SNTB1: variants seen among roughly 807,000 people sequenced by gnomAD.
SNTB1 encodes syntrophin beta 1.
A neutral mutation model predicts 48.9 loss-of-function variants in SNTB1; 36 were observed. The ratio of observed to expected loss-of-function variants is 0.74; its 90% confidence interval spans 0.56 to 0.97. The LOEUF (loss-of-function observed/expected upper bound fraction) is 0.97, where lower values mean the gene tolerates loss of function less well. SNTB1 is among the 50% of genes least tolerant of loss of function. The pLI, the probability that SNTB1 is intolerant of heterozygous loss-of-function variation, is 0.00. For missense variants in SNTB1, 786 were observed against 703.4 expected, an observed-to-expected ratio of 1.12 and a Z score of -1.33; for synonymous variants, 299 against 294.6, an observed-to-expected ratio of 1.01 and a Z score of -0.15.
In SNTB1 at chr8:120,704,333, G is replaced by C. The variant is rs140175895; in HGVS notation, c.572-10425C>G. Among the ~76,000 whole-genome samples, 330 of 152,190 alleles carry C rather than the reference G, an allele frequency of 2.2e-3. 2 individuals carry two copies. The Middle Eastern group carries it at 0.051, about 24-fold the overall frequency. ...TATCCAGGCATGGTGGTGCACACCT[G>C]TAGCCCTACCTGCTCAGGAGGCTGA... On this transcript the variant is annotated intron_variant, in intron 1 of 6. Transcript: ENST00000517992.
chr8:120,636,643 T>G (rs1356766054), intron 2 of SNTB1, among the ~76,000 whole-genome samples: 4 of 151,266 alleles, frequency 2.6e-5, no homozygotes, highest in Admixed American at 1.3e-4. Flanking sequence ...AGTCCATCAT[T>G]GTTGGACATT....
intron 3 of SNTB1, among the ~76,000 whole-genome samples, chr8:120,607,772 G>T (rs1587026645): frequency 6.6e-6 from 1 of 152,344 alleles, no homozygotes; most frequent in East Asian, 1.9e-4. Flanking sequence ...CATAATCCCA[G>T]ATAGGTTTCA....
chr8:120,725,269 C>T (rs1818734125), intron 1 of SNTB1, among the ~76,000 whole-genome samples: 1 of 152,070 alleles, frequency 6.6e-6, no homozygotes, highest in South Asian at 2.1e-4. Flanking sequence ...TCAAATTGTC[C>T]CCAGTCAGAT....
chr8:120,557,326 T>C (rs550546580), intron 4 of SNTB1, among the ~76,000 whole-genome samples: 1 of 152,336 alleles, frequency 6.6e-6, no homozygotes, highest in Non-Finnish European at 1.5e-5. Flanking sequence ...TCTCTGGACC[T>C]TGGCTAATCT....
At chr8:120,672,826 T>C (rs1391976551) in intron 2 of SNTB1, among the ~76,000 whole-genome samples, 3 of 152,236 alleles carry the variant, frequency 2.0e-5, no homozygotes, top group African/African-American at 7.2e-5. Context: ...CCTTGCACTT[T>C]TCCTGAGTTT....
At chr8:120,554,103 C>G (rs1815526019) in intron 4 of SNTB1, among the ~76,000 whole-genome samples, 2 of 152,188 alleles carry the variant, frequency 1.3e-5, no homozygotes. Flanking sequence ...GAAATCGATT[C>G]CCGGGGAGGT....
chr8:120,727,727 G>A (rs1416408934), intron 1 of SNTB1, among the ~76,000 whole-genome samples: 1 of 152,184 alleles, frequency 6.6e-6, no homozygotes, highest in Non-Finnish European at 1.5e-5. Context: ...TTTACCATGT[G>A]CTCAGCACCA....
chr8:120,701,144 C>T (rs1192493764), intron 1 of SNTB1, among the ~76,000 whole-genome samples: 3 of 152,104 alleles, frequency 2.0e-5, no homozygotes, highest in Non-Finnish European at 4.4e-5. Context: ...TTTCCCAGGT[C>T]ATCTTAGGGA....
intron 1 of SNTB1, 62 bp downstream of exon 1, chr8:120,811,211 G>C: frequency 6.6e-7 from 1 of 1,523,010 alleles, no homozygotes; most frequent in Non-Finnish European, 8.7e-7. Context: ...GTGAGCGTGC[G>C]GGTGGGAAGC....
chr8:120,561,319 C>CAAAAAAAAAAAAAA (rs1221884195), intron 4 of SNTB1, among the ~76,000 whole-genome samples: 4 of 45,656 alleles, frequency 8.8e-5, no homozygotes, highest in African/African-American at 1.7e-4. Context: ...AACTCCATCT[C>CAAAAAAAAAAAAAA]AAAAAAAAAA....
chr8:120,748,443 C>T (rs4242322), intron 1 of SNTB1, among the ~76,000 whole-genome samples: 19,806 of 152,062 alleles, frequency 0.13, 1,685 homozygotes, highest in African/African-American at 0.23. Flanking sequence ...ATCTGGCTCA[C>T]GCAGGAATTG....
At chr8:120,772,687 C>T (rs1032876653) in intron 1 of SNTB1, among the ~76,000 whole-genome samples, 2 of 152,168 alleles carry the variant, frequency 1.3e-5, no homozygotes, top group Non-Finnish European at 2.9e-5. Context: ...ACAACCCACA[C>T]TGTATATACC....
intron 3 of SNTB1, among the ~76,000 whole-genome samples, chr8:120,585,231 T>C (rs1816120348): frequency 6.6e-6 from 1 of 152,234 alleles, no homozygotes; most frequent in Non-Finnish European, 1.5e-5. Context: ...ATATCCTGGC[T>C]AAGCATAGGC....
intron 1 of SNTB1, among the ~76,000 whole-genome samples, chr8:120,782,284 C>T (rs1302372409): frequency 6.6e-6 from 1 of 152,098 alleles, no homozygotes; most frequent in Non-Finnish European, 1.5e-5. Flanking sequence ...AATGCAGTCA[C>T]CTTTTGAGAT....
Position 120,539,045 on chromosome 8 carries a change from C to T in SNTB1, c.1525-76G>A, listed in dbSNP as rs1015457028. Reference sequence around the variant, plus strand: ...GTAGATGGGTGATTTGCACATCAAACGAATCTATATGCACTTCCTTCTTTT... The same window carrying T: ...GTAGATGGGTGATTTGCACATCAAATGAATCTATATGCACTTCCTTCTTTT... On this transcript the variant is annotated intron_variant, in intron 6 of 6. Transcript: ENST00000517992. 6.1e-5 allele frequency: 65 copies of T among 1,066,250 alleles called. 1 individual carries two copies. Among genetic ancestry groups the T allele is most frequent in the Admixed American group, 4.1e-4 (17 of 40,988 alleles). 66.0% of individuals were successfully genotyped at this position (1,066,250 alleles called of 1,614,324 possible).
chr8:120,632,357 C>A, intron 3 of SNTB1, 87 bp downstream of exon 3: 1 of 1,197,940 alleles, frequency 8.3e-7, no homozygotes, highest in Non-Finnish European at 1.2e-6. Context: ...AGAGAATCAG[C>A]CTATGGGATG....
intron 3 of SNTB1, among the ~76,000 whole-genome samples, chr8:120,601,237 G>C (rs963333873): frequency 6.6e-6 from 1 of 151,912 alleles, no homozygotes; most frequent in African/African-American, 2.4e-5. Context: ...TGGGGAGGGG[G>C]AGTGGTCAGC....
At chr8:120,688,483 A>C (rs568887230) in intron 2 of SNTB1, among the ~76,000 whole-genome samples, 4 of 152,354 alleles carry the variant, frequency 2.6e-5, no homozygotes, top group African/African-American at 9.6e-5. Context: ...TATCTGGGGT[A>C]ATAAAATAAA....
At chr8:120,721,603 T>A (rs1444567403) in intron 1 of SNTB1, among the ~76,000 whole-genome samples, 1 of 152,172 alleles carries the variant, frequency 6.6e-6, no homozygotes, top group Non-Finnish European at 1.5e-5. Context: ...ACAAAATAAA[T>A]TCATATAAAT....
Sources: gnomAD v4.1 joint callset for allele counts (sites outside exome capture counted in the v4.1 genomes callset) on GRCh38, gnomAD v4.1.1 for gene constraint, MANE v1.5 for transcripts, NCBI Gene and HGNC (gene_info 2026-07-23, HGNC 2026-07-21) for gene names.